Variants in HOOK1 observed in about 807,000 individuals in gnomAD.
HOOK1 encodes the protein protein Hook homolog 1.
In HOOK1, 60 loss-of-function variants were observed where a neutral mutation model predicts 112.8. The ratio of observed to expected loss-of-function variants is 0.53; its 90% CI spans 0.43 to 0.66. The LOEUF (loss-of-function observed/expected upper bound fraction) is 0.66, where lower values mean the gene tolerates loss of function less well. Among genes scored for constraint, HOOK1 ranks in the 30% least tolerant of loss-of-function variants. HOOK1 has a pLI of 0.00. For synonymous variants in HOOK1, 294 were observed against 283.8 expected (o/e 1.04, Z -0.36); for missense variants, 770 against 856.0 (o/e 0.90, Z 1.25).
At chr1:59,856,298 G>C (rs2098410729) in intron 12 of HOOK1, among the ~76,000 whole-genome samples, 1 of 150,812 alleles carries the variant, frequency 6.6e-6, no homozygotes, top group Non-Finnish European at 1.5e-5. Context: ...AAAATTTCTA[G>C]TTATTTCTTT....
chr1:59,846,921 T>G, intron 9 of HOOK1, 124 bp from the exon 10 acceptor site: 1 of 595,984 alleles, frequency 1.7e-6, no homozygotes, highest in Non-Finnish European at 2.7e-6. Flanking sequence ...CATATTTTAT[T>G]CATCATATAT....
rs1255210338 is a variant in HOOK1, at chr1:59,854,015, TATATATATATATATATATATATA to T, written c.1243-4412_1243-4390del. Among the ~76,000 whole-genome samples, 3 of 21,046 alleles carry T rather than the reference TATATATATATATATATATATATA, an allele frequency of 1.4e-4. 1 individual carries two copies. Among genetic ancestry groups the T allele is most frequent in the Admixed American group, 7.1e-4 (2 of 2,828 alleles). The allele number at this position is 21,046 out of a possible 152,430, so 13.8% of individuals were successfully genotyped here. A position where few individuals can be genotyped will look rare whatever the true frequency, so the allele number is the denominator to read the frequency against. On this transcript the variant is annotated intron_variant, in intron 12 of 21. Coordinates refer to ENST00000371208, the MANE Select transcript of HOOK1 (RefSeq NM_015888.6). ...CATTAATCTTAAATATATATATATA[TATATATATATATATATATATATA>T]TTTTTTTTTTTTTTTTTTTTTTTTT...
In HOOK1 at chr1:59,858,516, G is replaced by A; in HGVS notation, c.1330+1G>A. 2 of 1,596,866 alleles carry A rather than the reference G, an allele frequency of 1.3e-6. No homozygotes were observed. The highest frequency in any genetic ancestry group is 1.7e-6 in the Non-Finnish European group (2 of 1,164,500). ...CAACAGGACCACCTAAACCAAACAG[G>A]TTAATTTTGTTAGATTTAGAAAAGT... On this transcript the variant is annotated splice_donor_variant, in intron 13 of 21. Coordinates refer to ENST00000371208, the MANE Select transcript of HOOK1 (RefSeq NM_015888.6). LOFTEE classifies it high-confidence loss of function.
rs1274623466 is a variant in HOOK1, at chr1:59,815,090, C to T, written c.-28C>T. On this transcript the variant is annotated 5_prime_UTR_variant, in exon 1 of 22. Coordinates refer to ENST00000371208, the MANE Select transcript of HOOK1 (RefSeq NM_015888.6). ...CGGTAGGAGGGAGTGTGAAGGTGTC[C>T]GCGGCGTCGTCGACGGCGGCGCCGG... is the stretch of plus-strand genomic sequence containing the variant. The T allele has an allele frequency of 1.3e-6, 2 of 1,537,138 alleles. No homozygotes were observed. The highest frequency in any genetic ancestry group is 2.0e-5 in the Admixed American group (1 of 50,942).
chr1:59,847,823 G>A (rs759315441), intron 10 of HOOK1, among the ~76,000 whole-genome samples: 34 of 151,500 alleles, frequency 2.2e-4, no homozygotes, highest in African/African-American at 7.7e-4. Flanking sequence ...TTGTTTGTTC[G>A]TTTATTTATA....
chr1:59,860,970 G>A (rs947019362), intron 15 of HOOK1, among the ~76,000 whole-genome samples: 8 of 151,956 alleles, frequency 5.3e-5, no homozygotes, highest in Non-Finnish European at 1.0e-4. Context: ...TAGAGATGGG[G>A]TTTCACCATG....
At chr1:59,869,872 A>G (rs1644028235) in intron 20 of HOOK1, among the ~76,000 whole-genome samples, 1 of 152,136 alleles carries the variant, frequency 6.6e-6, no homozygotes, top group Non-Finnish European at 1.5e-5. Context: ...CACTCTCCAC[A>G]CTGAGTCCAT....
chr1:59,857,348 G>A (rs1054603406), intron 12 of HOOK1, among the ~76,000 whole-genome samples: 2 of 152,122 alleles, frequency 1.3e-5, no homozygotes, highest in African/African-American at 4.8e-5. Flanking sequence ...TGGGGAGACG[G>A]GAATCATAGT....
chr1:59,864,136 A>G (rs1451656516), intron 16 of HOOK1, among the ~76,000 whole-genome samples: 3 of 151,974 alleles, frequency 2.0e-5, no homozygotes, highest in African/African-American at 4.8e-5. Flanking sequence ...CTTTTTAACA[A>G]TATTCAGTTG....
At chr1:59,864,976 G>A in intron 17 of HOOK1, 187 bp from the exon 18 acceptor site, 1 of 572,220 alleles carries the variant, frequency 1.7e-6, no homozygotes, top group Non-Finnish European at 3.2e-6. Context: ...GGTGGCAAGG[G>A]AAATAATTTA....
At chr1:59,824,276 C>T (rs181830146) in intron 2 of HOOK1, among the ~76,000 whole-genome samples, 18 of 151,294 alleles carry the variant, frequency 1.2e-4, no homozygotes, top group East Asian at 3.9e-4. Context: ...GGTACAATCA[C>T]GGCCCACTGC....
intron 4 of HOOK1, 73 bp from the exon 5 acceptor site, chr1:59,833,332 A>C: frequency 9.5e-7 from 1 of 1,049,682 alleles, no homozygotes; most frequent in Non-Finnish European, 1.3e-6. Flanking sequence ...ATTTATTTTC[A>C]TTGTAATATT....
At chr1:59,815,562 C>T (rs2098380701) in intron 1 of HOOK1, among the ~76,000 whole-genome samples, 1 of 151,984 alleles carries the variant, frequency 6.6e-6, no homozygotes, top group South Asian at 2.1e-4. Context: ...ATCGCCGACT[C>T]TCTTGCCTTG....
chr1:59,819,072 A>G (rs1170831285), intron 1 of HOOK1, among the ~76,000 whole-genome samples: 1 of 151,768 alleles, frequency 6.6e-6, no homozygotes, highest in Non-Finnish European at 1.5e-5. Flanking sequence ...TCACTCACTA[A>G]AAAGACTTTA....
intron 12 of HOOK1, among the ~76,000 whole-genome samples, chr1:59,855,197 T>C (rs1456226266): frequency 6.6e-6 from 1 of 152,220 alleles, no homozygotes; most frequent in Non-Finnish European, 1.5e-5. Flanking sequence ...GGTCAACTCA[T>C]GCCATGGGGA....
intron 20 of HOOK1, among the ~76,000 whole-genome samples, chr1:59,869,150 C>T (rs1197476317): frequency 6.6e-6 from 1 of 151,684 alleles, no homozygotes; most frequent in African/African-American, 2.4e-5. Context: ...ATATTGAATT[C>T]TACATACTGG....
At chr1:59,837,455 C>T (rs753301626) in intron 7 of HOOK1, among the ~76,000 whole-genome samples, 3 of 152,130 alleles carry the variant, frequency 2.0e-5, no homozygotes, top group African/African-American at 7.2e-5. Context: ...TTTTTAAACA[C>T]TTCTTCTTTT....
Position 59,840,798 on chromosome 1 carries a change from G to T in HOOK1, c.621+407G>T, listed in dbSNP as rs143373217. ...AATTCAAGTACATGTTCATATTTAT[G>T]TATGTAGTCTCTTATGGCAAATTTT... On this transcript the variant is annotated intron_variant, in intron 8 of 21. Coordinates refer to ENST00000371208, the MANE Select transcript of HOOK1 (RefSeq NM_015888.6). 1.2e-3 allele frequency among the ~76,000 whole-genome samples: 182 copies of T among 152,186 alleles called. 1 individual carries two copies. Among genetic ancestry groups the T allele is most frequent in the African/African-American group, 4.4e-3 (181 of 41,548 alleles).
At chr1:59,850,822 A>G (rs2098406770) in intron 12 of HOOK1, among the ~76,000 whole-genome samples, 1 of 151,548 alleles carries the variant, frequency 6.6e-6, no homozygotes, top group South Asian at 2.1e-4. Context: ...ACACAAATGC[A>G]AGATAGTAAT....
Sources: allele counts gnomAD v4.1 joint callset (sites outside exome capture counted in the v4.1 genomes callset), GRCh38; gene constraint gnomAD v4.1.1; transcripts MANE v1.5; gene names NCBI Gene and HGNC (gene_info 2026-07-23, HGNC 2026-07-21).